WDR36: variants seen among roughly 807,000 people sequenced by gnomAD.
WDR36 encodes WD repeat-containing protein 36.
In WDR36, 63 loss-of-function variants were observed where a neutral mutation model predicts 112.7. The ratio of observed to expected loss-of-function variants is 0.56; its 90% confidence interval spans 0.46 to 0.69. The LOEUF (loss-of-function observed/expected upper bound fraction) is 0.69, where lower values mean the gene tolerates loss of function less well. WDR36 is among the 30% of genes least tolerant of loss of function. The pLI is 0.00. For synonymous variants in WDR36, 410 were observed against 362.2 expected, an observed-to-expected ratio of 1.13 and a Z score of -1.50; for missense variants, 1,226 against 1,070.3, an observed-to-expected ratio of 1.15 and a Z score of -2.03.
intron 5 of WDR36, 37 bp from the exon 6 acceptor site, chr5:111,102,308 A>G (rs759794875): frequency 6.3e-7 from 1 of 1,575,980 alleles, no homozygotes; most frequent in Non-Finnish European, 8.6e-7. Context: ...CTCCAAAAAA[A>G]AAAAAATACA....
rs1753714887 is a variant in WDR36, at chr5:111,128,338, A to G, written c.*1455A>G. The G allele has an allele frequency of 1.1e-5, 2 of 184,916 alleles. No homozygotes were observed. The highest frequency in any genetic ancestry group is 1.1e-5 in the Non-Finnish European group (1 of 87,038). 11.5% of individuals were successfully genotyped at this position (184,916 alleles called of 1,614,324 possible). A position where few individuals can be genotyped will look rare whatever the true frequency, so the allele number is the denominator to read the frequency against. ...ATGTTTTTATTTAATGATGTAAGAT[A>G]GAATTAATAAACTACTAAGGAAATA... On this transcript the variant is annotated 3_prime_UTR_variant, in exon 23 of 23. Transcript: ENST00000513710.
rs775342501 is a variant in WDR36, at chr5:111,107,407, A to G, written c.1294A>G (p.Lys432Glu). ...AATAGGCGCTTACTTTCTCAAGCCA[A>G]AAGAGTTGAAGAAAGATGACATAAC... ...STIGAYFLKP[K>E]ELKKDDITAT... Residue 432 changes from lysine (K) to glutamate (E), a missense_variant, in exon 12 of 23, where the codon AAA becomes GAA. Physicochemically the swap from Lys to Glu is moderately conservative, Grantham distance 56 (BLOSUM62 1). Coordinates refer to ENST00000513710, the MANE Select transcript of WDR36 (RefSeq NM_139281.3). 2 of 1,610,266 alleles carry G rather than the reference A, an allele frequency of 1.2e-6. No individual in the cohort carries two copies. The highest frequency in any genetic ancestry group is 1.7e-6 in the Non-Finnish European group (2 of 1,177,518).
At chr5:111,118,546 T>A (rs1753501953) in intron 16 of WDR36, among the ~76,000 whole-genome samples, 1 of 152,204 alleles carries the variant, frequency 6.6e-6, no homozygotes, top group Non-Finnish European at 1.5e-5. Context: ...GCTCAAAAGC[T>A]TTTTTTAAAT....
At position 111,123,682 on chromosome 5, in the gene WDR36, A is replaced by T. The variant is rs538653538; in HGVS notation, c.2149-123A>T. 9 of 1,286,770 alleles carry T rather than the reference A, an allele frequency of 7.0e-6. No homozygotes were observed. The Admixed American group carries it at 1.6e-4, about 23-fold the overall frequency. 79.7% of individuals were successfully genotyped at this position (1,286,770 alleles called of 1,614,324 possible). On this transcript the variant is annotated intron_variant, in intron 19 of 22. Coordinates refer to ENST00000513710, the MANE Select transcript of WDR36 (RefSeq NM_139281.3). Reference sequence around the variant, plus strand: ...GAAGAGATCATATTTTAACATTCTTATGTGAAAGAGTTTCATTCCTCTTTT... The same window carrying T: ...GAAGAGATCATATTTTAACATTCTTTTGTGAAAGAGTTTCATTCCTCTTTT...
In WDR36 at chr5:111,121,030, T is replaced by C; in HGVS notation, c.2037T>C (p.Ser679=). The change falls in exon 19 of 23, where the codon AGT becomes AGC. Residue 679 remains serine, a synonymous_variant. Transcript: ENST00000513710. ...VEVSEETVEP[S]DELIEYDSPE... ...TATCAGAAGAAACAGTAGAACCAAGTGATGAATTGATAGAATATGATTCGC... is the reference window on the plus strand; with the variant it reads ...TATCAGAAGAAACAGTAGAACCAAGCGATGAATTGATAGAATATGATTCGC... The C allele has an allele frequency of 1.2e-6, 2 of 1,613,428 alleles. No homozygotes were observed. Among genetic ancestry groups the C allele is most frequent in the Non-Finnish European group, 1.7e-6 (2 of 1,179,546 alleles).
At chr5:111,112,026 A>G (rs576238457) in intron 15 of WDR36, among the ~76,000 whole-genome samples, 2 of 151,886 alleles carry the variant, frequency 1.3e-5, no homozygotes, top group Non-Finnish European at 2.9e-5. Context: ...TTCCTTCAAA[A>G]TTGAAGAAAA....
Position 111,113,164 on chromosome 5 carries a change from A to T in WDR36, c.1796+11A>T. 1 of 1,523,850 alleles carries T rather than the reference A, an allele frequency of 6.6e-7. No homozygotes were observed. The highest frequency in any genetic ancestry group is 1.1e-5 in the South Asian group (1 of 89,176). The allele number at this position is 1,523,850 out of a possible 1,614,324, so 94.4% of individuals were successfully genotyped here. On this transcript the variant is annotated intron_variant, in intron 16 of 22. Coordinates refer to ENST00000513710, the MANE Select transcript of WDR36 (RefSeq NM_139281.3). The stretch of plus-strand genomic sequence containing the variant: ...CCTTCCTTCTGGGTGGTAAGTTTAT[A>T]TTTCTAATTCCCTAACCTCTATAAG...
Position 111,126,029 on chromosome 5 carries a change from G to A in WDR36, c.2538+234G>A, listed in dbSNP as rs183462727. 3.5e-3 allele frequency among the ~76,000 whole-genome samples: 526 copies of A among 152,262 alleles called. 4 individuals are homozygous for A. Among genetic ancestry groups the A allele is most frequent in the African/African-American group, 0.012 (502 of 41,558 alleles). ...ATTTAAATAACCGCATGTGGCTAGT[G>A]ACTACCACATTGGACAGCTAGACAG... is the stretch of plus-strand genomic sequence containing the variant. On this transcript the variant is annotated intron_variant, in intron 22 of 22. Transcript: ENST00000513710.
intron 19 of WDR36, among the ~76,000 whole-genome samples, chr5:111,122,851 G>A (rs1006398958): frequency 7.2e-5 from 11 of 152,078 alleles, no homozygotes; most frequent in African/African-American, 1.7e-4. Context: ...GCACGGTGGC[G>A]CACGCCTGTC....
chr5:111,116,336 C>T (rs1311194377), intron 16 of WDR36, among the ~76,000 whole-genome samples: 1 of 152,124 alleles, frequency 6.6e-6, no homozygotes. Flanking sequence ...CCCACCCCTA[C>T]TTCCTGAGGA....
rs541663337 is a variant in WDR36, at chr5:111,103,498, T to C, written c.598-288T>C. On this transcript the variant is annotated intron_variant, in intron 6 of 22. Coordinates refer to ENST00000513710, the MANE Select transcript of WDR36 (RefSeq NM_139281.3). The stretch of plus-strand genomic sequence containing the variant: ...TTTTATACATAGCTTTCTTTTTCTG[T>C]TGTGGTTGTTTTCTTTCCAAAATCT... Among the ~76,000 whole-genome samples, 250 of 151,926 alleles carry C rather than the reference T, an allele frequency of 1.6e-3. 1 individual carries two copies. The highest frequency in any genetic ancestry group is 2.4e-3 in the Non-Finnish European group (164 of 67,776).
At position 111,102,411 on chromosome 5, in the gene WDR36, T is replaced by C. The variant is rs1296285485; in HGVS notation, c.597+12T>C. ...CAGCTCTTCAGCAGGTTAGTATTTT[T>C]CTGTTAAGTCAAAGAGGAACAAAGT... On this transcript the variant is annotated intron_variant, in intron 6 of 22. Coordinates refer to ENST00000513710, the MANE Select transcript of WDR36 (RefSeq NM_139281.3). 2 of 1,609,514 alleles carry C rather than the reference T, an allele frequency of 1.2e-6. No individual in the cohort carries two copies. Among genetic ancestry groups the C allele is most frequent in the Non-Finnish European group, 1.7e-6 (2 of 1,176,726 alleles).
At chr5:111,109,170 G>A (rs952934701) in intron 12 of WDR36, among the ~76,000 whole-genome samples, 1 of 151,234 alleles carries the variant, frequency 6.6e-6, no homozygotes, top group Admixed American at 6.6e-5. Flanking sequence ...TGTATTACTT[G>A]CAGGTTATAG....
chr5:111,092,663 T>C (rs372352816), intron 1 of WDR36, 45 bp downstream of exon 1: 6 of 1,580,210 alleles, frequency 3.8e-6, no homozygotes, highest in Non-Finnish European at 5.1e-6. Context: ...CCACCCTCCT[T>C]GGCCTCTAAC....
rs142147263 is a variant in WDR36, at chr5:111,118,695, C to T, written c.1797-318C>T. Among the ~76,000 whole-genome samples, 1,179 of 152,180 alleles carry T rather than the reference C, an allele frequency of 7.7e-3. 16 individuals carry two copies. Among genetic ancestry groups the T allele is most frequent in the African/African-American group, 0.027 (1,134 of 41,526 alleles). On this transcript the variant is annotated intron_variant, in intron 16 of 22. Transcript: ENST00000513710. ...AAATGTTATATCTTTAGAATTGTCT[C>T]CAAGTCAGTCTACCAAAATTTAGTA... is the stretch of plus-strand genomic sequence containing the variant.
intron 4 of WDR36, among the ~76,000 whole-genome samples, chr5:111,100,305 T>G (rs962655429): frequency 6.6e-6 from 1 of 151,944 alleles, no homozygotes; most frequent in Admixed American, 6.6e-5. Context: ...TTTAACTTTA[T>G]TATCCTTTTC....
At chr5:111,110,547 C>G (rs1289173957) in intron 13 of WDR36, among the ~76,000 whole-genome samples, 1 of 151,442 alleles carries the variant, frequency 6.6e-6, no homozygotes, top group Non-Finnish European at 1.5e-5. Flanking sequence ...CTCCTTTAAG[C>G]AGAAAATCTT....
Position 111,098,773 on chromosome 5 carries a change from T to G in WDR36, c.343T>G (p.Phe115Val), listed in dbSNP as rs771562153. 1 of 1,613,078 alleles carries G rather than the reference T, an allele frequency of 6.2e-7. No individual in the cohort carries two copies. The highest frequency in any genetic ancestry group is 8.5e-7 in the Non-Finnish European group (1 of 1,179,242). The change falls in exon 4 of 23, where the codon TTT (phenylalanine) becomes GTT (valine). Residue 115 changes from phenylalanine to valine, a missense_variant. Transcript: ENST00000513710. Reference sequence around the variant, plus strand: ...GGCAGAAATCCATTTCTTGCAACCCTTTGGAGACCACATTATCTCTGTTGA... The same window carrying G: ...GGCAGAAATCCATTTCTTGCAACCCGTTGGAGACCACATTATCTCTGTTGA... ...HKAEIHFLQP[F>V]GDHIISVDTD...
chr5:111,113,498 T>G (rs557010142), intron 16 of WDR36, among the ~76,000 whole-genome samples: 2 of 152,274 alleles, frequency 1.3e-5, no homozygotes, highest in African/African-American at 4.8e-5. Flanking sequence ...TTGAGTTTTT[T>G]TAGTTCATGC....
Sources: gnomAD v4.1 joint callset for allele counts (sites outside exome capture counted in the v4.1 genomes callset) on GRCh38, gnomAD v4.1.1 for gene constraint, MANE v1.5 for transcripts, NCBI Gene and HGNC (gene_info 2026-07-23, HGNC 2026-07-21) for gene names.